Variants in EYA4 observed in about 807,000 individuals in gnomAD.
EYA4 encodes the protein EYA transcriptional coactivator and phosphatase 4.
In EYA4, 31 loss-of-function variants were observed where a neutral mutation model predicts 87.9. The ratio of observed to expected loss-of-function variants is 0.35; its 90% CI spans 0.27 to 0.48. The LOEUF (loss-of-function observed/expected upper bound fraction) is 0.48, where lower values mean the gene tolerates loss of function less well. Among genes scored for constraint, EYA4 ranks in the 20% least tolerant of loss-of-function variants. The pLI is 0.99. For synonymous variants in EYA4, 263 were observed against 270.6 expected (o/e 0.97, Z 0.28); for missense variants, 678 against 761.4 (o/e 0.89, Z 1.29).
At chr6:133,251,268 G>A (rs9389060) in intron 1 of EYA4, among the ~76,000 whole-genome samples, 30,727 of 151,758 alleles carry the variant, frequency 0.2, 3,247 homozygotes, top group African/African-American at 0.24. Context: ...TTTTTCAGCC[G>A]TAAGGTACCA....
chr6:133,302,187 AGGGT>A (rs1339536611), intron 2 of EYA4, among the ~76,000 whole-genome samples: 1 of 152,152 alleles, frequency 6.6e-6, no homozygotes, highest in Non-Finnish European at 1.5e-5. Flanking sequence ...AAGCAATAAT[AGGGT>A]GGGATTTCCT....
chr6:133,379,368 C>A (rs1007926143), intron 2 of EYA4, among the ~76,000 whole-genome samples: 1 of 151,966 alleles, frequency 6.6e-6, no homozygotes, highest in African/African-American at 2.4e-5. Context: ...AGAGTGTGTT[C>A]AAATTAGGTA....
chr6:133,441,994 A>G (rs982313246), intron 3 of EYA4, among the ~76,000 whole-genome samples: 2 of 151,946 alleles, frequency 1.3e-5, no homozygotes, highest in African/African-American at 4.8e-5. Flanking sequence ...AGATGTATAT[A>G]TGGCAGATAT....
chr6:133,399,909 A>G (rs1274807329), intron 3 of EYA4, among the ~76,000 whole-genome samples: 1 of 152,210 alleles, frequency 6.6e-6, no homozygotes, highest in Non-Finnish European at 1.5e-5. Context: ...GAGGTTTTGT[A>G]TAATTACTGG....
chr6:133,431,949 A>AT (rs34742458), intron 3 of EYA4, among the ~76,000 whole-genome samples: 3,620 of 143,952 alleles, frequency 0.025, 138 homozygotes, highest in African/African-American at 0.083. Context: ...CATTTTCTTG[A>AT]TTTTTTTTTT....
chr6:133,367,195 T>C lies in EYA4; in HGVS notation c.34-15197T>C, dbSNP rs1562336541. Among the ~76,000 whole-genome samples the C allele has an allele frequency of 2.0e-5, 3 of 152,140 alleles. No individual in the cohort carries two copies. The South Asian group carries it at 6.2e-4, about 32-fold the overall frequency. Reference sequence around the variant, plus strand: ...TATATCCGTGCAACTGAGGCTACTGTGTTAGCTTACAAGCAGGGTAAAATC... The same window carrying C: ...TATATCCGTGCAACTGAGGCTACTGCGTTAGCTTACAAGCAGGGTAAAATC... On this transcript the variant is annotated intron_variant, in intron 2 of 19. Transcript: ENST00000355286.
chr6:133,404,024 G>T (rs1487183664), intron 3 of EYA4, among the ~76,000 whole-genome samples: 1 of 152,116 alleles, frequency 6.6e-6, no homozygotes, highest in Non-Finnish European at 1.5e-5. Flanking sequence ...ATGTTGGTCA[G>T]GCTGGTCTCA....
chr6:133,478,402 C>G (rs1196746485), intron 11 of EYA4, among the ~76,000 whole-genome samples: 1 of 151,850 alleles, frequency 6.6e-6, no homozygotes, highest in East Asian at 1.9e-4. Context: ...TGTGAATAAC[C>G]CAAATGTCCA....
chr6:133,428,384 C>G (rs767159005), intron 3 of EYA4, among the ~76,000 whole-genome samples: 3 of 152,176 alleles, frequency 2.0e-5, no homozygotes, highest in Non-Finnish European at 4.4e-5. Context: ...AAGAATGACA[C>G]TCAAAGACAG....
intron 1 of EYA4, among the ~76,000 whole-genome samples, chr6:133,256,190 A>G (rs1176712511): frequency 6.6e-6 from 1 of 151,036 alleles, no homozygotes; most frequent in Non-Finnish European, 1.5e-5. Context: ...TATTAACGAT[A>G]TATATTTAAT....
At chr6:133,334,907 A>G (rs997596677) in intron 2 of EYA4, among the ~76,000 whole-genome samples, 5 of 152,214 alleles carry the variant, frequency 3.3e-5, no homozygotes, top group African/African-American at 1.2e-4. Flanking sequence ...CCAGCTACAT[A>G]TAGCTACAAA....
At chr6:133,490,346 A>C (rs992670284) in intron 13 of EYA4, among the ~76,000 whole-genome samples, 1 of 151,994 alleles carries the variant, frequency 6.6e-6, no homozygotes, top group Non-Finnish European at 1.5e-5. Context: ...AATGGACTAA[A>C]CTCTCCAATG....
chr6:133,517,271 G>GT (rs1554274056), intron 17 of EYA4, among the ~76,000 whole-genome samples: 6 of 152,036 alleles, frequency 3.9e-5, no homozygotes, highest in Admixed American at 6.6e-5. Context: ...AGAAAAATGG[G>GT]TATTAGGCTT....
At chr6:133,428,649 T>C (rs1790887592) in intron 3 of EYA4, among the ~76,000 whole-genome samples, 1 of 152,154 alleles carries the variant, frequency 6.6e-6, no homozygotes, top group African/African-American at 2.4e-5. Context: ...GAATTTGTCC[T>C]ACATCTGTTT....
At chr6:133,522,118 TAA>T (rs1223038397) in intron 17 of EYA4, among the ~76,000 whole-genome samples, 1 of 82,734 alleles carries the variant, frequency 1.2e-5, no homozygotes, top group African/African-American at 4.6e-5. Context: ...AGTATAATAA[TAA>T]AAAAAAAAAG....
intron 13 of EYA4, among the ~76,000 whole-genome samples, chr6:133,483,698 G>GTTATTATTATTA (rs71545064): frequency 1.8e-3 from 244 of 134,392 alleles, no homozygotes; most frequent in African/African-American, 3.2e-3. Context: ...TTATTTCATT[G>GTTATTATTATTA]TTATTATTAT....
chr6:133,451,768 T>C (rs1301392622), intron 5 of EYA4, among the ~76,000 whole-genome samples: 1 of 152,110 alleles, frequency 6.6e-6, no homozygotes, highest in African/African-American at 2.4e-5. Context: ...AGAAACAACT[T>C]CAAAGAAAAG....
intron 11 of EYA4, among the ~76,000 whole-genome samples, chr6:133,478,030 A>C (rs1795893454): frequency 6.6e-6 from 1 of 152,112 alleles, no homozygotes; most frequent in Admixed American, 6.6e-5. Flanking sequence ...AGAAAATTAT[A>C]ATTAAAACCA....
intron 13 of EYA4, among the ~76,000 whole-genome samples, chr6:133,489,665 C>G (rs1374389229): frequency 6.6e-6 from 1 of 151,524 alleles, no homozygotes; most frequent in African/African-American, 2.4e-5. Context: ...TATCCAGTGA[C>G]AATATCCTTC....
Sources: gnomAD v4.1 joint callset for allele counts (sites outside exome capture counted in the v4.1 genomes callset) on GRCh38, gnomAD v4.1.1 for gene constraint, MANE v1.5 for transcripts, NCBI Gene and HGNC (gene_info 2026-07-23, HGNC 2026-07-21) for gene names.